FAM3C: variants seen among roughly 807,000 people sequenced by gnomAD.
FAM3C encodes the protein protein FAM3C.
A neutral mutation model predicts 32.5 loss-of-function variants in FAM3C; 15 were observed. That is an observed-to-expected ratio of 0.46 (90% CI 0.31 to 0.71). The LOEUF (loss-of-function observed/expected upper bound fraction) is 0.71. Ranked by LOEUF, FAM3C falls within the 30% of genes least tolerant of loss-of-function variation. FAM3C has a pLI of 0.05. For missense variants in FAM3C, 175 were observed against 274.4 expected, an observed-to-expected ratio of 0.64 and a Z score of 2.56; for synonymous variants, 75 against 86.1, an observed-to-expected ratio of 0.87 and a Z score of 0.72.
chr7:121,395,798 C>T lies in FAM3C; in HGVS notation c.-42+364G>A, dbSNP rs546902478. On this transcript the variant is annotated intron_variant, in intron 1 of 9. Coordinates refer to ENST00000359943, the MANE Select transcript of FAM3C (RefSeq NM_014888.3). ...CACCTCTCGGAGCTCTCAGCCTACA[C>T]GCTGCAGGGGCGCGAGCCACAGCCA... Among the ~76,000 whole-genome samples, 3 of 152,194 alleles carry T rather than the reference C, an allele frequency of 2.0e-5. No individual in the cohort carries two copies. The South Asian group carries it at 6.2e-4, about 31-fold the overall frequency.
rs762573092 is a variant in FAM3C, at chr7:121,350,429, G to A, written c.*32C>T. On this transcript the variant is annotated 3_prime_UTR_variant, in exon 10 of 10. Transcript: ENST00000359943. ...TATAGCTCTCCCATTAAGAGTGAAA[G>A]TGCGCTTTCTTCAATTCTCTCCACA... 1.9e-6 allele frequency: 3 copies of A among 1,610,272 alleles called. No individual in the cohort carries two copies. Among genetic ancestry groups the A allele is most frequent in the South Asian group, 1.1e-5 (1 of 90,948 alleles).
chr7:121,371,322 T>C lies in FAM3C; in HGVS notation c.250A>G (p.Lys84Glu). Residue 84 changes from lysine (K) to glutamate (E), a missense_variant, in exon 5 of 10, where the codon AAA becomes GAA. Coordinates refer to ENST00000359943, the MANE Select transcript of FAM3C (RefSeq NM_014888.3). ...ASGAANVVGP[K>E]ICLEDNVLMS... ...TACACATTATCTTCCAGGCAGATTT[T>C]GGGTCCCACCACGTTGGCTGCTCCA... 6.2e-7 allele frequency: 1 copy of C among 1,613,372 alleles called. No homozygotes were observed. The highest frequency in any genetic ancestry group is 8.5e-7 in the Non-Finnish European group (1 of 1,179,866).
intron 8 of FAM3C, among the ~76,000 whole-genome samples, chr7:121,356,748 G>C (rs150005509): frequency 2.0e-5 from 3 of 152,250 alleles, no homozygotes; most frequent in African/African-American, 7.2e-5. Flanking sequence ...ATGTCATAGA[G>C]TATTCTCTCC....
Position 121,371,393 on chromosome 7 carries a change from A to T in FAM3C, c.179T>A (p.Ile60Asn). The change falls in exon 5 of 10, where the codon ATC becomes AAC. Residue 60 changes from isoleucine (I) to asparagine (N), a missense_variant. Physicochemically the swap from Ile to Asn is moderately radical, Grantham distance 149. Coordinates refer to ENST00000359943, the MANE Select transcript of FAM3C (RefSeq NM_014888.3). ...STKPPRYKCG[I>N]SKACPEKHFA... ...ATGCTTCTCAGGGCAAGCTTTTGAGATCCCACACTTATATCTGGGAGGCTT... is the reference window on the plus strand; with the variant it reads ...ATGCTTCTCAGGGCAAGCTTTTGAGTTCCCACACTTATATCTGGGAGGCTT... 6.2e-7 allele frequency: 1 copy of T among 1,613,978 alleles called. No homozygotes were observed. Among genetic ancestry groups the T allele is most frequent in the Non-Finnish European group, 8.5e-7 (1 of 1,179,850 alleles).
chr7:121,371,844 T>C (rs571288001), intron 4 of FAM3C, among the ~76,000 whole-genome samples: 2 of 152,330 alleles, frequency 1.3e-5, no homozygotes, highest in African/African-American at 2.4e-5. Flanking sequence ...TAATGTTCCA[T>C]TGACTACCTT....
chr7:121,358,041 T>C (rs1793846715), intron 8 of FAM3C, among the ~76,000 whole-genome samples: 1 of 152,170 alleles, frequency 6.6e-6, no homozygotes, highest in African/African-American at 2.4e-5. Flanking sequence ...GCAAGTTACC[T>C]GTTTTTTGAT....
chr7:121,372,487 T>C (rs1273843142), intron 3 of FAM3C, among the ~76,000 whole-genome samples: 2 of 152,122 alleles, frequency 1.3e-5, no homozygotes, highest in African/African-American at 4.8e-5. Context: ...AATATGATGG[T>C]GTTTAAAAGT....
chr7:121,353,260 A>G (rs928220232), intron 8 of FAM3C, among the ~76,000 whole-genome samples: 2 of 152,208 alleles, frequency 1.3e-5, no homozygotes, highest in Non-Finnish European at 2.9e-5. Flanking sequence ...AATATGTTGA[A>G]GGGCAGTCAG....
At chr7:121,352,600 C>G (rs1784158629) in intron 8 of FAM3C, among the ~76,000 whole-genome samples, 1 of 152,236 alleles carries the variant, frequency 6.6e-6, no homozygotes, top group African/African-American at 2.4e-5. Context: ...ATCTCAGCCT[C>G]TGTGAAGATT....
In FAM3C at chr7:121,394,817, T is replaced by G. The variant is rs1300696454; in HGVS notation, c.-42+1345A>C. On this transcript the variant is annotated intron_variant, in intron 1 of 9. Transcript: ENST00000359943. ...AAACCGGATGCTGATTTGCTGATTC[T>G]GCCAATTTCTTGTTAAATGGCTTTC... Among the ~76,000 whole-genome samples, 9 of 152,362 alleles carry G rather than the reference T, an allele frequency of 5.9e-5. No individual in the cohort carries two copies. The East Asian group carries it at 9.6e-4, about 16-fold the overall frequency.
At chr7:121,354,558 C>A (rs1793771535) in intron 8 of FAM3C, among the ~76,000 whole-genome samples, 1 of 152,102 alleles carries the variant, frequency 6.6e-6, no homozygotes, top group African/African-American at 2.4e-5. Flanking sequence ...TACAGTTGCA[C>A]CATCAAACCA....
At chr7:121,357,988 A>G (rs1793845867) in intron 8 of FAM3C, among the ~76,000 whole-genome samples, 1 of 151,960 alleles carries the variant, frequency 6.6e-6, no homozygotes, top group Non-Finnish European at 1.5e-5. Flanking sequence ...TTAAAACTTC[A>G]AATTTTACAC....
At chr7:121,353,649 G>C (rs1440163347) in intron 8 of FAM3C, among the ~76,000 whole-genome samples, 2 of 152,174 alleles carry the variant, frequency 1.3e-5, no homozygotes, top group African/African-American at 2.4e-5. Flanking sequence ...CTGGTATTTT[G>C]CAACAGGTTA....
At chr7:121,361,186 A>C (rs2536168) in intron 7 of FAM3C, among the ~76,000 whole-genome samples, 38,831 of 152,098 alleles carry the variant, frequency 0.26, 5,945 homozygotes, top group African/African-American at 0.44. Context: ...TCAGATTCTA[A>C]AAACCACTTG....
At chr7:121,392,849 A>G (rs1037424507) in intron 1 of FAM3C, among the ~76,000 whole-genome samples, 3 of 152,240 alleles carry the variant, frequency 2.0e-5, no homozygotes, top group African/African-American at 7.2e-5. Flanking sequence ...AATGGAATAT[A>G]GAATGGAATA....
intron 8 of FAM3C, 48 bp downstream of exon 8, chr7:121,359,995 T>A (rs781666525): frequency 6.1e-6 from 6 of 977,170 alleles, no homozygotes; most frequent in Admixed American, 1.8e-5. Flanking sequence ...TGTATTGCTT[T>A]TATAATTACA....
intron 8 of FAM3C, among the ~76,000 whole-genome samples, chr7:121,353,089 GGTGGCTCATAAACAGCTGAAATGATGAAT>G (rs1428882871): frequency 6.6e-6 from 1 of 152,124 alleles, no homozygotes; most frequent in East Asian, 1.9e-4. Flanking sequence ...AGGCCTTTAG[GGTGGCTCATAAACAGCTGAAATGATGAAT>G]GTGAAGTTCA....
At chr7:121,364,094 AT>A (rs746254993) in intron 6 of FAM3C, 35 bp downstream of exon 6, 1 of 1,391,110 alleles carries the variant, frequency 7.2e-7, no homozygotes, top group African/African-American at 1.4e-5. Context: ...AAAATACCCA[AT>A]GATTACATCC....
chr7:121,360,793 C>CCA (rs1454185046), intron 7 of FAM3C, among the ~76,000 whole-genome samples: 1 of 152,140 alleles, frequency 6.6e-6, no homozygotes, highest in Non-Finnish European at 1.5e-5. Flanking sequence ...TGAGATCACA[C>CCA]CACTGCACTC....
Sources: allele counts gnomAD v4.1 joint callset (sites outside exome capture counted in the v4.1 genomes callset), GRCh38; gene constraint gnomAD v4.1.1; transcripts MANE v1.5; gene names NCBI Gene and HGNC (gene_info 2026-07-23, HGNC 2026-07-21).